Variants in IL17RD observed in about 807,000 individuals in gnomAD.
The protein encoded by IL17RD is interleukin 17 receptor D.
A neutral mutation model predicts 80.5 loss-of-function variants in IL17RD; 52 were observed. That is an observed-to-expected ratio of 0.65 (90% CI 0.52 to 0.81). The LOEUF (loss-of-function observed/expected upper bound fraction) is 0.81. Among genes scored for constraint, IL17RD ranks in the 40% least tolerant of loss-of-function variants. The pLI is 0.00. For missense variants in IL17RD, 1,024 were observed against 955.1 expected, an observed-to-expected ratio of 1.07 and a Z score of -0.95; for synonymous variants, 416 against 391.8, an observed-to-expected ratio of 1.06 and a Z score of -0.73.
intron 1 of IL17RD, among the ~76,000 whole-genome samples, chr3:57,127,578 G>T (rs904579408): frequency 3.3e-5 from 5 of 150,748 alleles, no homozygotes; most frequent in Non-Finnish European, 4.4e-5. Flanking sequence ...GCTAATTTTT[G>T]TATTTTTAGT....
chr3:57,100,448 G>A (rs1249649391), intron 11 of IL17RD, among the ~76,000 whole-genome samples: 2 of 152,216 alleles, frequency 1.3e-5, no homozygotes, highest in Non-Finnish European at 2.9e-5. Context: ...CTCTAAAAAT[G>A]TACATTCTGA....
rs1706599234 is a variant in IL17RD, at chr3:57,093,279, C to T, written c.*3114G>A. The stretch of plus-strand genomic sequence containing the variant: ...AATAGAAAATAAAAAAGACTAGTAA[C>T]CTTCACATTGGCATTGCCCATTTCT... On this transcript the variant is annotated 3_prime_UTR_variant, in exon 13 of 13. Transcript: ENST00000296318. The T allele has an allele frequency of 6.6e-6, 1 of 152,150 alleles. No individual in the cohort carries two copies. Among genetic ancestry groups the T allele is most frequent in the Non-Finnish European group, 1.5e-5 (1 of 68,034 alleles). The allele number at this position is 152,150 out of a possible 1,614,324, so 9.4% of individuals were successfully genotyped here. A position where few individuals can be genotyped will look rare whatever the true frequency, so the allele number is the denominator to read the frequency against.
intron 1 of IL17RD, among the ~76,000 whole-genome samples, chr3:57,132,677 C>A (rs1391264864): frequency 6.6e-6 from 1 of 152,236 alleles, no homozygotes; most frequent in Non-Finnish European, 1.5e-5. Context: ...CAACAACTTA[C>A]ACTGTTGAGC....
At chr3:57,142,525 C>CCCCACT in intron 1 of IL17RD, 1 of 1,286,606 alleles carries the variant, frequency 7.8e-7, no homozygotes, top group Non-Finnish European at 1.0e-6. Context: ...CTCCAACCGC[C>CCCCACT]CCGTCTGACC....
At chr3:57,136,641 CAA>C (rs59941543) in intron 1 of IL17RD, among the ~76,000 whole-genome samples, 7,129 of 47,492 alleles carry the variant, frequency 0.15, 141 homozygotes, top group East Asian at 0.24. Flanking sequence ...AACCCCCACT[CAA>C]AAAAAAAAAA....
upstream of IL17RD, chr3:57,169,544 T>A (rs2107554051): frequency 9.9e-6 from 2 of 202,440 alleles, no homozygotes; most frequent in South Asian, 6.8e-5. Context: ...CCGTGAAACA[T>A]AAAAAAAGAT....
chr3:57,162,909 A>G (rs1310446610), intron 1 of IL17RD, among the ~76,000 whole-genome samples: 1 of 152,226 alleles, frequency 6.6e-6, no homozygotes, highest in African/African-American at 2.4e-5. Context: ...CATGGCATTC[A>G]GGAGGGCTTC....
intron 1 of IL17RD, among the ~76,000 whole-genome samples, chr3:57,157,816 A>C (rs191498792): frequency 1.3e-5 from 2 of 152,334 alleles, no homozygotes; most frequent in East Asian, 3.9e-4. Flanking sequence ...GTTCCAAGGA[A>C]GCCCTCCCTT....
intron 1 of IL17RD, among the ~76,000 whole-genome samples, chr3:57,161,149 GTC>G (rs2060302016): frequency 6.6e-6 from 1 of 152,166 alleles, no homozygotes; most frequent in Non-Finnish European, 1.5e-5. Context: ...TTATAAAAAC[GTC>G]TCTCTAAAAA....
rs1304017874 is a variant in IL17RD, at chr3:57,163,793, CGGG to C, written c.126+1365_126+1367del. On this transcript the variant is annotated intron_variant, in intron 1 of 12. Coordinates refer to ENST00000296318, the MANE Select transcript of IL17RD (RefSeq NM_017563.5). Reference sequence around the variant, plus strand: ...GACAGAGCCTAATGGGGCGGGGGGGCGGGGGGGGAAGGGGGTGGCGGGGGCGGA... The same window carrying C: ...GACAGAGCCTAATGGGGCGGGGGGGCGGGGGAAGGGGGTGGCGGGGGCGGA... 4.7e-3 allele frequency among the ~76,000 whole-genome samples: 103 copies of C among 21,694 alleles called. 4 individuals carry two copies. The highest frequency in any genetic ancestry group is 0.029 in the African/African-American group (97 of 3,370). The allele number at this position is 21,694 out of a possible 152,430, so 14.2% of individuals were successfully genotyped here.
chr3:57,163,793 C>T (rs59512023), intron 1 of IL17RD, among the ~76,000 whole-genome samples: 11 of 21,692 alleles, frequency 5.1e-4, no homozygotes, highest in East Asian at 4.8e-3. Context: ...GGCGGGGGGG[C>T]GGGGGGGGAA....
At chr3:57,140,701 T>C (rs1707812323) in intron 1 of IL17RD, among the ~76,000 whole-genome samples, 1 of 152,178 alleles carries the variant, frequency 6.6e-6, no homozygotes, top group Non-Finnish European at 1.5e-5. Context: ...GGTGTGGTCA[T>C]CTCTGAAATT....
rs1286413389 is a variant in IL17RD, at chr3:57,148,091, G to T, written c.126+17070C>A. 2.2e-4 allele frequency among the ~76,000 whole-genome samples: 12 copies of T among 55,066 alleles called. 1 individual carries two copies. The highest frequency in any genetic ancestry group is 8.1e-4 in the East Asian group (2 of 2,454). The allele number at this position is 55,066 out of a possible 152,430, so 36.1% of individuals were successfully genotyped here. A position where few individuals can be genotyped will look rare whatever the true frequency, so the allele number is the denominator to read the frequency against. The stretch of plus-strand genomic sequence containing the variant: ...CAGCACTTTGGGAGGCCAAGGTTGG[G>T]GGGGGGGGGGGGGCGATCGCTAGGT... On this transcript the variant is annotated intron_variant, in intron 1 of 12. Transcript: ENST00000296318.
Position 57,103,250 on chromosome 3 carries a change from G to A in IL17RD, c.814-105C>T, listed in dbSNP as rs553073185. 1,015 of 887,418 alleles carry A rather than the reference G, an allele frequency of 1.1e-3. 4 individuals carry two copies. Among genetic ancestry groups the A allele is most frequent in the South Asian group, 2.3e-3 (145 of 64,306 alleles). 55.0% of individuals were successfully genotyped at this position (887,418 alleles called of 1,614,324 possible). A position where few individuals can be genotyped will look rare whatever the true frequency, so the allele number is the denominator to read the frequency against. ...CATCTTTTCCATCAGTGGGCAGTGCGGGAAGGGGTGGGAAGCAAGCAGTGG... is the reference window on the plus strand; with the variant it reads ...CATCTTTTCCATCAGTGGGCAGTGCAGGAAGGGGTGGGAAGCAAGCAGTGG... On this transcript the variant is annotated intron_variant, in intron 8 of 12. Coordinates refer to ENST00000296318, the MANE Select transcript of IL17RD (RefSeq NM_017563.5).
intron 1 of IL17RD, among the ~76,000 whole-genome samples, chr3:57,157,055 A>G (rs910000152): frequency 6.6e-6 from 1 of 152,208 alleles, no homozygotes; most frequent in Non-Finnish European, 1.5e-5. Context: ...TTTGTGGCAC[A>G]TGGGAAAGCT....
intron 1 of IL17RD, among the ~76,000 whole-genome samples, chr3:57,129,176 T>C (rs1179531229): frequency 6.6e-6 from 1 of 152,066 alleles, no homozygotes; most frequent in East Asian, 1.9e-4. Context: ...TGTCTGTGTA[T>C]GCTTTTTCCA....
At chr3:57,120,750 A>G (rs1032173998) in intron 1 of IL17RD, among the ~76,000 whole-genome samples, 8 of 152,274 alleles carry the variant, frequency 5.3e-5, no homozygotes, top group African/African-American at 1.9e-4. Flanking sequence ...GCAATTCCTC[A>G]ACTCTAAGGA....
chr3:57,142,705 G>A (rs1035228643), intron 1 of IL17RD: 1 of 153,670 alleles, frequency 6.5e-6, no homozygotes, highest in Admixed American at 6.5e-5. Flanking sequence ...GTTGGTGGGA[G>A]GGAAGAGGAG....
chr3:57,163,817 G>GGGGGGGGC, intron 1 of IL17RD, among the ~76,000 whole-genome samples: 1 of 132,396 alleles, frequency 7.6e-6, no homozygotes, highest in East Asian at 2.4e-4. Flanking sequence ...GGTGGCGGGG[G>GGGGGGGGC]CGGAGGCAGA....
Sources: allele counts gnomAD v4.1 joint callset (sites outside exome capture counted in the v4.1 genomes callset), GRCh38; gene constraint gnomAD v4.1.1; transcripts MANE v1.5; gene names NCBI Gene and HGNC (gene_info 2026-07-23, HGNC 2026-07-21).